The following SCN8A variants were observed in gnomAD, a reference collection of about 807,000 sequenced individuals.
SCN8A encodes sodium voltage-gated channel alpha subunit 8.
In SCN8A, 30 loss-of-function variants were observed where a neutral mutation model predicts 184.1. The ratio of observed to expected loss-of-function variants is 0.16; its 90% CI spans 0.12 to 0.22. The LOEUF is 0.22. Ranked by LOEUF, SCN8A falls within the 10% of genes least tolerant of loss-of-function variation. SCN8A has a pLI of 1.00. For synonymous variants in SCN8A, 852 were observed against 907.0 expected, an observed-to-expected ratio of 0.94 and a Z score of 1.09; for missense variants, 1,057 against 2,498.9, an observed-to-expected ratio of 0.42 and a Z score of 12.30.
intron 20 of SCN8A, among the ~76,000 whole-genome samples, chr12:51,779,219 CA>C (rs35152992): frequency 0.021 from 2,681 of 125,140 alleles, 80 homozygotes; most frequent in African/African-American, 0.076. Flanking sequence ...GACTTTGTCT[CA>C]AAAAAAAAAA....
intron 16 of SCN8A, 130 bp downstream of exon 16, chr12:51,766,157 G>A (rs1039359781): frequency 1.3e-6 from 1 of 795,212 alleles, no homozygotes; most frequent in African/African-American, 1.7e-5. Context: ...TTCTTTCTTG[G>A]CCCAGAAACC....
chr12:51,608,021 C>CTTTT (rs749172465), intron 1 of SCN8A, among the ~76,000 whole-genome samples: 15 of 133,462 alleles, frequency 1.1e-4, no homozygotes, highest in African/African-American at 4.1e-4. Flanking sequence ...TTTCTTTTTC[C>CTTTT]TTTTTTTTTT....
chr12:51,678,765 G>A (rs1941270073), intron 2 of SCN8A, among the ~76,000 whole-genome samples: 1 of 152,194 alleles, frequency 6.6e-6, no homozygotes. Context: ...AGGGATTTAT[G>A]ACTGTGTTTT....
intron 11 of SCN8A, among the ~76,000 whole-genome samples, chr12:51,709,951 G>A (rs967592055): frequency 6.6e-6 from 1 of 152,052 alleles, no homozygotes; most frequent in Admixed American, 6.5e-5. Context: ...TGATAATGTT[G>A]GGAATTAAAA....
chr12:51,688,043 C>T (rs187598842), intron 5 of SCN8A, among the ~76,000 whole-genome samples: 4 of 152,260 alleles, frequency 2.6e-5, no homozygotes, highest in East Asian at 1.9e-4. Context: ...TGATATGCAT[C>T]GAATACTTGA....
chr12:51,654,952 T>G (rs1331334902), intron 1 of SCN8A, among the ~76,000 whole-genome samples: 2 of 152,292 alleles, frequency 1.3e-5, no homozygotes, highest in Middle Eastern at 3.4e-3. Flanking sequence ...CAGGCTGGAG[T>G]GCAGTAGCAT....
Position 51,662,804 on chromosome 12 carries a change from T to G in SCN8A, c.-14T>G. 1.2e-6 allele frequency: 2 copies of G among 1,612,408 alleles called. No individual in the cohort carries two copies. Among genetic ancestry groups the G allele is most frequent in the Non-Finnish European group, 1.7e-6 (2 of 1,178,966 alleles). On this transcript the variant is annotated 5_prime_UTR_variant, in exon 2 of 27. Coordinates refer to ENST00000627620, the MANE Select transcript of SCN8A (RefSeq NM_001330260.2). ...GACGCAGCATAACTAACGAAGCTGC[T>G]GCAGGATGAGAAGATGGCAGCGCGG...
Position 51,747,081 on chromosome 12 carries a change from CTGTGTGTATGTG to C in SCN8A, c.2131+1054_2131+1065del, listed in dbSNP as rs1419974544. Among the ~76,000 whole-genome samples, 652 of 90,626 alleles carry C rather than the reference CTGTGTGTATGTG, an allele frequency of 7.2e-3. 4 individuals are homozygous for C. The highest frequency in any genetic ancestry group is 0.05 in the East Asian group (160 of 3,214). The allele number at this position is 90,626 out of a possible 152,430, so 59.5% of individuals were successfully genotyped here. A position where few individuals can be genotyped will look rare whatever the true frequency, so the allele number is the denominator to read the frequency against. Reference sequence around the variant, plus strand: ...ATTTAAACCCAGTGCCACTTCTACTCTGTGTGTATGTGTGTGTGTGTGTGTGTGTGTGTGTGT... The same window carrying C: ...ATTTAAACCCAGTGCCACTTCTACTCTGTGTGTGTGTGTGTGTGTGTGTGT... On this transcript the variant is annotated intron_variant, in intron 13 of 26. Transcript: ENST00000627620.
intron 1 of SCN8A, among the ~76,000 whole-genome samples, chr12:51,598,887 G>A (rs190902133): frequency 5.4e-4 from 82 of 152,250 alleles, no homozygotes; most frequent in Non-Finnish European, 1.3e-4. Flanking sequence ...TCTTAGATCA[G>A]TTAGTTACCC....
intron 2 of SCN8A, among the ~76,000 whole-genome samples, chr12:51,674,088 G>A (rs1941179758): frequency 6.6e-6 from 1 of 152,228 alleles, no homozygotes; most frequent in Non-Finnish European, 1.5e-5. Flanking sequence ...CTGAAGCATA[G>A]AGTGTGGTTT....
rs1378740406 is a variant in SCN8A at position 51,650,772 on chromosome 12, C to T, written c.-54-11992C>T. ...CACCACTTGCCGAGACCAGCTCGGT[C>T]GGGGAGACCCTAACCCAGCGGTGCT... On this transcript the variant is annotated intron_variant, in intron 1 of 26. Transcript: ENST00000627620. Among the ~76,000 whole-genome samples, 12 of 152,232 alleles carry T rather than the reference C, an allele frequency of 7.9e-5. No individual in the cohort carries two copies. In the East Asian group the frequency reaches 2.3e-3, roughly 29 times the overall value.
intron 14 of SCN8A, among the ~76,000 whole-genome samples, chr12:51,758,902 A>G (rs2032772068): frequency 6.6e-6 from 1 of 152,126 alleles, no homozygotes; most frequent in African/African-American, 2.4e-5. Context: ...CAAGGCCCCC[A>G]GTGGATGCCT....
intron 1 of SCN8A, among the ~76,000 whole-genome samples, chr12:51,595,383 T>C (rs1386177612): frequency 6.6e-6 from 1 of 152,206 alleles, no homozygotes; most frequent in Non-Finnish European, 1.5e-5. Flanking sequence ...AAATTATCCC[T>C]TTGTGAAGTT....
intron 1 of SCN8A, among the ~76,000 whole-genome samples, chr12:51,655,577 T>C (rs1374745369): frequency 6.6e-6 from 1 of 152,120 alleles, no homozygotes; most frequent in Admixed American, 6.5e-5. Flanking sequence ...TCTTCCTATG[T>C]TGCCCAGGCT....
chr12:51,739,919 A>C (rs931912705), intron 12 of SCN8A, among the ~76,000 whole-genome samples: 6 of 152,270 alleles, frequency 3.9e-5, no homozygotes, highest in Non-Finnish European at 7.3e-5. Context: ...ATTTATTAAC[A>C]GCAAACCAGT....
chr12:51,743,508 C>T (rs999706107), intron 12 of SCN8A, among the ~76,000 whole-genome samples: 19 of 152,276 alleles, frequency 1.2e-4, no homozygotes, highest in Middle Eastern at 3.4e-3. Context: ...GTTCTTTTTC[C>T]TCACTTTCTC....
intron 12 of SCN8A, 102 bp from the exon 13 acceptor site, chr12:51,745,801 C>G: frequency 1.1e-6 from 1 of 921,770 alleles, no homozygotes; most frequent in Non-Finnish European, 1.5e-6. Flanking sequence ...AAGTTAAAGA[C>G]TGTAATGAAG....
chr12:51,640,155 C>A (rs1940416515), intron 1 of SCN8A, among the ~76,000 whole-genome samples: 1 of 140,330 alleles, frequency 7.1e-6, no homozygotes. Flanking sequence ...AGGTGAGCCT[C>A]CTGCCTTGAC....
In SCN8A at chr12:51,621,898, T is replaced by C. The variant is rs944148900; in HGVS notation, c.-55+30539T>C. ...GTGTACGCCTGTGTTTTCAGGATTC[T>C]GTCTGCCTCTGGTAAGGAAGCATCT... On this transcript the variant is annotated intron_variant, in intron 1 of 26. Transcript: ENST00000627620. 1.7e-4 allele frequency among the ~76,000 whole-genome samples: 26 copies of C among 152,196 alleles called. 1 individual carries two copies.
Sources: gnomAD v4.1 joint callset for allele counts (sites outside exome capture counted in the v4.1 genomes callset) on GRCh38, gnomAD v4.1.1 for gene constraint, MANE v1.5 for transcripts, NCBI Gene and HGNC (gene_info 2026-07-23, HGNC 2026-07-21) for gene names.